The following PRELID2 variants were observed in gnomAD, a reference collection of about 807,000 sequenced individuals.
PRELID2 encodes the protein PRELI domain-containing protein 2.
A neutral mutation model predicts 28.4 loss-of-function variants in PRELID2; 25 were observed. That is an observed-to-expected ratio of 0.88 (90% CI 0.64 to 1.23). The LOEUF (loss-of-function observed/expected upper bound fraction) is 1.23. Ranked by LOEUF, PRELID2 falls within the 50% of genes most tolerant of loss-of-function variation. PRELID2 has a pLI of 0.00. For missense variants in PRELID2, 201 were observed against 214.4 expected, an observed-to-expected ratio of 0.94 and a Z score of 0.39; for synonymous variants, 76 against 71.6, an observed-to-expected ratio of 1.06 and a Z score of -0.31.
the PRELID2 span, among the ~76,000 whole-genome samples, chr5:145,393,193 G>A: frequency 1.3e-5 from 2 of 152,320 alleles, no homozygotes; most frequent in East Asian, 3.9e-4. Context: ...TCCATTAAGT[G>A]AGAATAAGAT....
At chr5:145,469,798 G>A (rs1420977613), downstream of PRELID2, among the ~76,000 whole-genome samples, 1 of 151,982 alleles carries the variant, frequency 6.6e-6, no homozygotes, top group Non-Finnish European at 1.5e-5. Flanking sequence ...TCTGTTATAG[G>A]GAATTAGAAC....
At chr5:145,574,992 A>G (rs967043706) in intron 1 of PRELID2, among the ~76,000 whole-genome samples, 3 of 152,214 alleles carry the variant, frequency 2.0e-5, no homozygotes, top group Non-Finnish European at 4.4e-5. Flanking sequence ...ACCCATGGAC[A>G]CAAAGGATTG....
chr5:145,361,374 C>G, the PRELID2 span, among the ~76,000 whole-genome samples: 1 of 152,102 alleles, frequency 6.6e-6, no homozygotes, highest in African/African-American at 2.4e-5. Flanking sequence ...AACCAATGAC[C>G]AAATAACACA....
chr5:145,400,030 C>T, the PRELID2 span, among the ~76,000 whole-genome samples: 2 of 152,134 alleles, frequency 1.3e-5, no homozygotes, highest in African/African-American at 4.8e-5. Flanking sequence ...ATTATCTCCA[C>T]ACCCTCACAC....
chr5:145,827,327 G>A (rs1428209685), intron 1 of PRELID2, among the ~76,000 whole-genome samples: 8 of 152,150 alleles, frequency 5.3e-5, no homozygotes, highest in Middle Eastern at 3.2e-3. Context: ...ATACCAAGAC[G>A]AAACGAGTTA....
chr5:145,332,167 G>T, the PRELID2 span, among the ~76,000 whole-genome samples: 1 of 152,164 alleles, frequency 6.6e-6, no homozygotes, highest in Non-Finnish European at 1.5e-5. Flanking sequence ...CTTTGTGGGT[G>T]ACCTTACCTT....
chr5:145,531,491 T>C (rs946077846), intron 1 of PRELID2, among the ~76,000 whole-genome samples: 2 of 152,156 alleles, frequency 1.3e-5, no homozygotes, highest in African/African-American at 4.8e-5. Flanking sequence ...GCTGGAAAAC[T>C]GTTTGGCAAG....
At chr5:145,269,995 T>C in the PRELID2 span, among the ~76,000 whole-genome samples, 3 of 151,312 alleles carry the variant, frequency 2.0e-5, no homozygotes, top group Non-Finnish European at 2.9e-5. Context: ...CATAAATATA[T>C]GCTTGAGATT....
chr5:145,616,195 C>T (rs893370566), intron 1 of PRELID2, among the ~76,000 whole-genome samples: 1 of 152,180 alleles, frequency 6.6e-6, no homozygotes, highest in African/African-American at 2.4e-5. Context: ...CTTAACTTTA[C>T]ATAACCTGAT....
At position 145,793,845 on chromosome 5, in the gene PRELID2, G is replaced by A. The variant is rs531693362; in HGVS notation, c.474+2597C>T. On this transcript the variant is annotated intron_variant, in intron 5 of 6. Transcript: ENST00000683046. ...TGAATGAAACCACTTCTGCCATCAA[G>A]GAACATAAAATCAAAGTGGGATCAT... Among the ~76,000 whole-genome samples, 4 of 152,050 alleles carry A rather than the reference G, an allele frequency of 2.6e-5. No individual in the cohort carries two copies. In the East Asian group the frequency reaches 7.7e-4, roughly 29 times the overall value.
At chr5:145,358,849 CT>C in the PRELID2 span, among the ~76,000 whole-genome samples, 1 of 152,174 alleles carries the variant, frequency 6.6e-6, no homozygotes, top group African/African-American at 2.4e-5. Context: ...TAAACTGACC[CT>C]CTGCTTCTTC....
At chr5:145,697,230 G>C (rs78473516) in intron 1 of PRELID2, among the ~76,000 whole-genome samples, 7,033 of 151,664 alleles carry the variant, frequency 0.046, 581 homozygotes, top group African/African-American at 0.16. Flanking sequence ...TATGTAGATA[G>C]ATAGAGACAT....
intron 1 of PRELID2, among the ~76,000 whole-genome samples, chr5:145,673,143 A>G (rs954962524): frequency 5.9e-5 from 9 of 152,146 alleles, no homozygotes; most frequent in African/African-American, 2.2e-4. Context: ...CTTAGAAAAG[A>G]CGTATATTCA....
At chr5:145,638,076 G>A (rs1754031473) in intron 1 of PRELID2, among the ~76,000 whole-genome samples, 1 of 152,158 alleles carries the variant, frequency 6.6e-6, no homozygotes, top group Admixed American at 6.5e-5. Context: ...CTCCCAAAGT[G>A]CTGGGATAAC....
the PRELID2 span, among the ~76,000 whole-genome samples, chr5:145,247,148 TGTGATCC>T: frequency 6.6e-6 from 1 of 152,176 alleles, no homozygotes; most frequent in African/African-American, 2.4e-5. Flanking sequence ...CAACCAGTTC[TGTGATCC>T]CACCCAGGAA....
the PRELID2 span, among the ~76,000 whole-genome samples, chr5:145,304,536 T>C: frequency 6.6e-6 from 1 of 152,174 alleles, no homozygotes; most frequent in African/African-American, 2.4e-5. Flanking sequence ...ATTCCTATTA[T>C]AGAGATAATG....
At chr5:145,324,197 G>A in the PRELID2 span, among the ~76,000 whole-genome samples, 1 of 152,170 alleles carries the variant, frequency 6.6e-6, no homozygotes, top group Non-Finnish European at 1.5e-5. Context: ...TATGTATAAG[G>A]TGACAGGGAA....
At chr5:145,346,179 C>A in the PRELID2 span, among the ~76,000 whole-genome samples, 5 of 152,024 alleles carry the variant, frequency 3.3e-5, no homozygotes, top group Non-Finnish European at 7.4e-5. Flanking sequence ...TCTTAAAGTA[C>A]CCCCAGCACT....
chr5:145,318,123 G>T, the PRELID2 span, among the ~76,000 whole-genome samples: 2 of 152,122 alleles, frequency 1.3e-5, no homozygotes, highest in African/African-American at 2.4e-5. Context: ...TAGAGTTCCA[G>T]TCAAGTCTCA....
Sources: gnomAD v4.1 joint callset for allele counts (sites outside exome capture counted in the v4.1 genomes callset) on GRCh38, gnomAD v4.1.1 for gene constraint, MANE v1.5 for transcripts, NCBI Gene and HGNC (gene_info 2026-07-23, HGNC 2026-07-21) for gene names.